GOT1L1: variants seen among roughly 807,000 people sequenced by gnomAD.
GOT1L1 encodes aspartate aminotransferase, cytoplasmic 2.
GOT1L1 carries 38 observed loss-of-function variants against 43.6 expected under a neutral mutation model. That is an observed-to-expected ratio of 0.87 (90% CI 0.67 to 1.14). The LOEUF (loss-of-function observed/expected upper bound fraction) is 1.14. Among genes scored for constraint, GOT1L1 ranks in the 50% most tolerant of loss-of-function variants. GOT1L1 has a pLI of 0.00. For synonymous variants in GOT1L1, 183 were observed against 187.2 expected (o/e 0.98, Z 0.18); for missense variants, 482 against 504.0 (o/e 0.96, Z 0.42).
At chr8:37,938,919 GT>G in intron 1 of GOT1L1, 38 bp from the exon 2 acceptor site, 4 of 1,601,760 alleles carry the variant, frequency 2.5e-6, no homozygotes, top group Non-Finnish European at 2.6e-6. Flanking sequence ...CAGATGCCTG[GT>G]TTGGGCCCCC....
At position 37,935,732 on chromosome 8, in the gene GOT1L1, G is replaced by A. The variant is rs756980233; in HGVS notation, c.901C>T (p.Leu301Phe). The change falls in exon 7 of 9, where the codon CTC becomes TTC. Residue 301 changes from leucine to phenylalanine, a missense_variant. Transcript: ENST00000307599. ...TCTCCCAGCAGAGCAGGGTTGCAGA[G>A]GATGGAGGTGATGACACGTGCACCC... Reference protein sequence around the residue: ...NTGARVITSILCNPALLGEWK... With the variant: ...NTGARVITSIFCNPALLGEWK... 1 of 1,605,926 alleles carries A rather than the reference G, an allele frequency of 6.2e-7. No homozygotes were observed. The highest frequency in any genetic ancestry group is 8.5e-7 in the Non-Finnish European group (1 of 1,176,408).
Position 37,936,877 on chromosome 8 carries a change from G to A in GOT1L1, c.613-7C>T. The A allele has an allele frequency of 6.2e-7, 1 of 1,612,018 alleles. No homozygotes were observed. Among genetic ancestry groups the A allele is most frequent in the Non-Finnish European group, 8.5e-7 (1 of 1,178,226 alleles). The stretch of plus-strand genomic sequence containing the variant: ...ATGGGAATATCTGCTTGCTCTGTAG[G>A]AGAAAGGAGAACAAAAAAAGAATGA... On this transcript the variant is annotated splice_polypyrimidine_tract_variant and splice_region_variant and intron_variant, in intron 5 of 8. Transcript: ENST00000307599.
intron 1 of GOT1L1, among the ~76,000 whole-genome samples, chr8:37,939,431 A>AAAAAT (rs1237987679): frequency 9.4e-4 from 39 of 41,698 alleles, no homozygotes; most frequent in Non-Finnish European, 1.4e-3. Context: ...AAAAAAAAAA[A>AAAAAT]ATATATATAT....
At chr8:37,935,619 G>A in intron 7 of GOT1L1, 85 bp downstream of exon 7, 1 of 1,251,638 alleles carries the variant, frequency 8.0e-7, no homozygotes, top group South Asian at 1.7e-5. Context: ...CAGGAGAGAA[G>A]CACCCTGCCG....
Position 37,937,011 on chromosome 8 carries a change from C to A in GOT1L1, c.566G>T (p.Cys189Phe). 6.2e-7 allele frequency: 1 copy of A among 1,613,940 alleles called. No homozygotes were observed. Among genetic ancestry groups the A allele is most frequent in the Non-Finnish European group, 8.5e-7 (1 of 1,179,880 alleles). Residue 189 changes from cysteine (C) to phenylalanine (F), a missense_variant, in exon 5 of 9, where the codon TGC (cysteine) becomes TTC (phenylalanine). Physicochemically the swap from Cys to Phe is radical, Grantham distance 205 (BLOSUM62 -2). Transcript: ENST00000307599. ...TGCCCACCCACTTGGTGTCAACTTG[C>A]AGTCGATAATGTTCCCCATCACAAG... Reference protein sequence around the residue: ...CVLVMGNIIDCKLTPSGWAKL... With the variant: ...CVLVMGNIIDFKLTPSGWAKL...
Position 37,936,769 on chromosome 8 carries a change from G to T in GOT1L1, c.714C>A (p.Gly238=). ...GAGACTGGCTGCAGAAGAACTCAAAGCCTTGAGACACAAAGTATTGTAAGA... is the reference window on the plus strand; with the variant it reads ...GAGACTGGCTGCAGAAGAACTCAAATCCTTGAGACACAAAGTATTGTAAGA... The part of the protein sequence containing the change: ...TRILQYFVSQ[G]FEFFCSQSLS... The change falls in exon 6 of 9, where the codon GGC becomes GGA. Residue 238 remains glycine (G), a synonymous_variant. Transcript: ENST00000307599. 1 of 1,612,880 alleles carries T rather than the reference G, an allele frequency of 6.2e-7. No individual in the cohort carries two copies. Among genetic ancestry groups the T allele is most frequent in the Non-Finnish European group, 8.5e-7 (1 of 1,179,024 alleles).
intron 1 of GOT1L1, 36 bp downstream of exon 1, chr8:37,939,879 C>T: frequency 6.3e-7 from 1 of 1,594,162 alleles, no homozygotes; most frequent in Non-Finnish European, 8.6e-7. Context: ...GTTACCATCA[C>T]TTAAGTCTTA....
In GOT1L1 at chr8:37,936,954, A is replaced by G. The variant is rs1454900897; in HGVS notation, c.612+11T>C. On this transcript the variant is annotated intron_variant, in intron 5 of 8. Transcript: ENST00000307599. Reference sequence around the variant, plus strand: ...CAAAGACAGGAAGGTCGGGTGGGAGATTGGGTTTACCTTTATCATGGACAT... The same window carrying G: ...CAAAGACAGGAAGGTCGGGTGGGAGGTTGGGTTTACCTTTATCATGGACAT... The G allele has an allele frequency of 6.8e-6, 11 of 1,613,360 alleles. No homozygotes were observed. In the Admixed American group the frequency reaches 1.8e-4, roughly 27 times the overall value.
chr8:37,939,416 G>GGA (rs1807852454), intron 1 of GOT1L1, among the ~76,000 whole-genome samples: 1 of 21,414 alleles, frequency 4.7e-5, no homozygotes, highest in Non-Finnish European at 7.9e-5. Context: ...CCTGTCTCAA[G>GGA]AAAAAAAAAA....
chr8:37,939,811 C>T (rs1807878213), intron 1 of GOT1L1, 104 bp downstream of exon 1: 2 of 1,135,750 alleles, frequency 1.8e-6, no homozygotes, highest in South Asian at 1.5e-5. Context: ...TCTCCACCCA[C>T]AGAAGCTTGG....
chr8:37,935,334 G>T, intron 7 of GOT1L1, 119 bp from the exon 8 acceptor site: 1 of 1,035,022 alleles, frequency 9.7e-7, no homozygotes. Flanking sequence ...CAGAGGCTCT[G>T]GGATGATTAT....
chr8:37,936,983 C>T lies in GOT1L1; in HGVS notation c.594G>A (p.Lys198=), dbSNP rs755451811. 6.2e-7 allele frequency: 1 copy of T among 1,613,946 alleles called. No individual in the cohort carries two copies. The highest frequency in any genetic ancestry group is 1.1e-5 in the South Asian group (1 of 91,082). The part of the protein sequence containing the change: ...DCKLTPSGWA[K]LMSMIKSKQI... ...GGTTTACCTTTATCATGGACATCAA[C>T]TTTGCCCACCCACTTGGTGTCAACT... The change falls in exon 5 of 9, where the codon AAG becomes AAA. Residue 198 remains lysine (K), a synonymous_variant. Transcript: ENST00000307599.
intron 2 of GOT1L1, among the ~76,000 whole-genome samples, chr8:37,938,224 CT>C (rs1443073106): frequency 1.3e-5 from 2 of 152,262 alleles, no homozygotes; most frequent in East Asian, 3.9e-4. Flanking sequence ...TGGTGAAACC[CT>C]GTCTCTACAA....
At position 37,937,875 on chromosome 8, in the gene GOT1L1, T is replaced by C. The variant is rs112947596; in HGVS notation, c.298-126A>G. 731 of 628,612 alleles carry C rather than the reference T, an allele frequency of 1.2e-3. 3 individuals are homozygous for C. Among genetic ancestry groups the C allele is most frequent in the African/African-American group, 8.8e-3 (482 of 54,484 alleles). The allele number at this position is 628,612 out of a possible 1,614,324, so 38.9% of individuals were successfully genotyped here. On this transcript the variant is annotated intron_variant, in intron 2 of 8. Transcript: ENST00000307599. ...GGCCAACATGTTGAAACCCCGTATC[T>C]ACTAAAAATACAAAAATTAGCCGGA...
Position 37,940,069 on chromosome 8 carries a change from T to A in GOT1L1, c.-40A>T. The A allele has an allele frequency of 6.3e-7, 1 of 1,581,220 alleles. No individual in the cohort carries two copies. Among genetic ancestry groups the A allele is most frequent in the East Asian group, 2.3e-5 (1 of 43,668 alleles). ...TGGAGCCAAGACTATGTGTCTCTGC[T>A]CCTGTGTTCCGCTTCTGCCCAGAAG... On this transcript the variant is annotated 5_prime_UTR_variant, in exon 1 of 9. Transcript: ENST00000307599.
chr8:37,939,823 C>T, intron 1 of GOT1L1, 92 bp downstream of exon 1: 1 of 1,294,138 alleles, frequency 7.7e-7, no homozygotes, highest in South Asian at 1.4e-5. Context: ...GAAGCTTGGG[C>T]TGCACCCCTC....
intron 1 of GOT1L1, 72 bp from the exon 2 acceptor site, chr8:37,938,953 C>T (rs1260495057): frequency 7.1e-7 from 1 of 1,412,254 alleles, no homozygotes; most frequent in African/African-American, 1.4e-5. Flanking sequence ...TGCAGACAGC[C>T]TGCAAACAAA....
Position 37,934,320 on chromosome 8 carries a change from T to C in GOT1L1, c.1239A>G (p.Lys413=). 1 of 1,612,154 alleles carries C rather than the reference T, an allele frequency of 6.2e-7. No individual in the cohort carries two copies. The highest frequency in any genetic ancestry group is 8.5e-7 in the Non-Finnish European group (1 of 1,179,120). The change falls in exon 9 of 9, where the codon AAA becomes AAG. Residue 413 remains lysine, a synonymous_variant. Transcript: ENST00000307599. ...ESSEMCLPKE[K]KTLIGIKL ...AAAGTTTTATTCCAATCAGTGTTTTTTTTTCCTTTGGAAGACACATCTCTG... is the reference window on the plus strand; with the variant it reads ...AAAGTTTTATTCCAATCAGTGTTTTCTTTTCCTTTGGAAGACACATCTCTG...
chr8:37,935,880 G>A lies in GOT1L1; in HGVS notation c.764-11C>T. The stretch of plus-strand genomic sequence containing the variant: ...TCCCCACTCCTTCATCTGCAGTGTT[G>A]GGAAGACAGCCTCAGCCTCAGCCCC... On this transcript the variant is annotated splice_polypyrimidine_tract_variant and intron_variant, in intron 6 of 8. Coordinates refer to ENST00000307599, the MANE Select transcript of GOT1L1 (RefSeq NM_152413.3). The A allele has an allele frequency of 2.5e-6, 4 of 1,609,576 alleles. No individual in the cohort carries two copies. The highest frequency in any genetic ancestry group is 3.4e-6 in the Non-Finnish European group (4 of 1,177,980).
Sources: allele counts gnomAD v4.1 joint callset (sites outside exome capture counted in the v4.1 genomes callset), GRCh38; gene constraint gnomAD v4.1.1; transcripts MANE v1.5; gene names NCBI Gene and HGNC (gene_info 2026-07-23, HGNC 2026-07-21).